Variants in DPF3 observed in about 807,000 individuals in gnomAD.
DPF3 encodes zinc finger protein DPF3.
DPF3 carries 18 observed loss-of-function variants against 56.8 expected under a neutral mutation model. The observed-to-expected ratio is 0.32, with a 90% CI of 0.22 to 0.47. DPF3 has a LOEUF of 0.47. Ranked by LOEUF, DPF3 falls within the 20% of genes least tolerant of loss-of-function variation. DPF3 has a pLI of 1.00. For synonymous variants in DPF3, 188 were observed against 180.2 expected (o/e 1.04, Z -0.35); for missense variants, 403 against 488.8 (o/e 0.82, Z 1.65).
chr14:72,838,905 A>ATATATATATATATATATATATATTTTTTT, intron 1 of DPF3, among the ~76,000 whole-genome samples: 9 of 64,498 alleles, frequency 1.4e-4, no homozygotes, highest in African/African-American at 3.3e-4. Context: ...TATCATATAT[A>ATATATATATATATATATATATATTTTTTT]TTCTTTTTTT....
chr14:72,652,105 T>A lies in DPF3; in HGVS notation c.871+22135A>T, dbSNP rs558563906. 1.1e-4 allele frequency among the ~76,000 whole-genome samples: 17 copies of A among 152,304 alleles called. No homozygotes were observed. In the East Asian group the frequency reaches 3.3e-3, roughly 29 times the overall value. On this transcript the variant is annotated intron_variant, in intron 8 of 10. Transcript: ENST00000556509. ...CCCCCTACATCACAGGATTGTCACA[T>A]AAGGGAAAATGAGGCTAGAGAACCT...
At chr14:72,787,274 T>C (rs545067030) in intron 1 of DPF3, among the ~76,000 whole-genome samples, 2 of 152,178 alleles carry the variant, frequency 1.3e-5, no homozygotes, top group African/African-American at 2.4e-5. Flanking sequence ...TCCCATGGAA[T>C]AGGGAAAAGC....
chr14:72,701,439 A>T (rs991030121), intron 6 of DPF3, among the ~76,000 whole-genome samples: 2 of 152,212 alleles, frequency 1.3e-5, no homozygotes, highest in African/African-American at 4.8e-5. Flanking sequence ...TGGATTCTGC[A>T]TGCAGGACCT....
chr14:72,723,812 G>T, intron 4 of DPF3, 84 bp from the exon 5 acceptor site: 1 of 1,334,078 alleles, frequency 7.5e-7, no homozygotes, highest in Non-Finnish European at 1.0e-6. Flanking sequence ...AGGGTGTTCT[G>T]ATTTGTTGTT....
chr14:72,790,547 G>A (rs1892387483), intron 1 of DPF3, among the ~76,000 whole-genome samples: 1 of 152,104 alleles, frequency 6.6e-6, no homozygotes, highest in South Asian at 2.1e-4. Context: ...GAGTAGGTTA[G>A]GATTTCACTG....
chr14:72,785,392 G>C (rs1340618025), intron 1 of DPF3, among the ~76,000 whole-genome samples: 2 of 152,126 alleles, frequency 1.3e-5, no homozygotes, highest in African/African-American at 4.8e-5. Context: ...GAGGCACAGA[G>C]AGTCTTACGT....
chr14:72,851,694 G>A (rs544273534), intron 1 of DPF3, among the ~76,000 whole-genome samples: 2 of 152,300 alleles, frequency 1.3e-5, no homozygotes, highest in East Asian at 1.9e-4. Flanking sequence ...CTAACTTCCC[G>A]AGGGATGAGT....
chr14:72,669,227 G>A (rs950656989), intron 8 of DPF3, among the ~76,000 whole-genome samples: 3 of 152,120 alleles, frequency 2.0e-5, no homozygotes, highest in East Asian at 1.9e-4. Flanking sequence ...TTTAAGGAGC[G>A]GTCTAATTCA....
intron 8 of DPF3, among the ~76,000 whole-genome samples, chr14:72,673,016 G>A (rs989503190): frequency 2.6e-5 from 4 of 152,134 alleles, no homozygotes; most frequent in African/African-American, 9.7e-5. Context: ...TACCATGTTT[G>A]GAAAGTAAAT....
chr14:72,756,822 C>CAGAAAGACAGAAAGAA (rs1197343194), intron 2 of DPF3, among the ~76,000 whole-genome samples: 2 of 70,008 alleles, frequency 2.9e-5, no homozygotes, highest in Admixed American at 3.5e-4. Flanking sequence ...GAAAGAAAGA[C>CAGAAAGACAGAAAGAA]AGAAAGAAAG....
chr14:72,852,707 C>T (rs1334437574), intron 1 of DPF3, among the ~76,000 whole-genome samples: 1 of 152,184 alleles, frequency 6.6e-6, no homozygotes, highest in African/African-American at 2.4e-5. Context: ...AAAAACAGCC[C>T]ACTATTTTTT....
intron 8 of DPF3, among the ~76,000 whole-genome samples, chr14:72,632,238 A>G (rs74393255): frequency 6.0e-4 from 91 of 152,332 alleles, no homozygotes; most frequent in Non-Finnish European, 1.0e-3. Flanking sequence ...GTGGTTCTGT[A>G]TCTTGATTGT....
chr14:72,748,489 T>C (rs1599406273), intron 3 of DPF3, among the ~76,000 whole-genome samples: 2 of 152,268 alleles, frequency 1.3e-5, no homozygotes, highest in South Asian at 4.2e-4. Flanking sequence ...AAAAAATCCA[T>C]TTTCTGAGGA....
At chr14:72,755,940 T>C (rs1890770670) in intron 2 of DPF3, among the ~76,000 whole-genome samples, 2 of 152,164 alleles carry the variant, frequency 1.3e-5, no homozygotes, top group African/African-American at 4.8e-5. Context: ...CCCATGAGAC[T>C]TATGTTGTTT....
Position 72,883,938 on chromosome 14 carries a change from A to G in DPF3, c.32+10119T>C, listed in dbSNP as rs190276608. Among the ~76,000 whole-genome samples, 462 of 149,656 alleles carry G rather than the reference A, an allele frequency of 3.1e-3. 6 individuals are homozygous for G. Among genetic ancestry groups the G allele is most frequent in the African/African-American group, 0.011 (448 of 41,218 alleles). On this transcript the variant is annotated intron_variant, in intron 1 of 10. Coordinates refer to ENST00000556509, the MANE Select transcript of DPF3 (RefSeq NM_001280542.3). The stretch of plus-strand genomic sequence containing the variant: ...TGAGACTCTGTCTCAAAAAAAAAAA[A>G]AAAAGAAAAAGAAAAAGAATCCATT...
intron 1 of DPF3, chr14:72,806,864 T>G (rs1882807797): frequency 3.9e-5 from 6 of 152,246 alleles, no homozygotes. Flanking sequence ...GACTCCATAT[T>G]ACTCGGTGCT....
At chr14:72,628,653 A>C (rs1884979210) in intron 9 of DPF3, among the ~76,000 whole-genome samples, 1 of 151,988 alleles carries the variant, frequency 6.6e-6, no homozygotes, top group Non-Finnish European at 1.5e-5. Context: ...AGAGAGAGAG[A>C]GAGATGGAGA....
chr14:72,779,459 C>T (rs1272199203), intron 1 of DPF3, among the ~76,000 whole-genome samples: 6 of 152,074 alleles, frequency 3.9e-5, no homozygotes, highest in African/African-American at 9.7e-5. Context: ...AGATGGCTCC[C>T]AATGGTGCCC....
chr14:72,832,491 G>A (rs189128715), intron 1 of DPF3, among the ~76,000 whole-genome samples: 2 of 152,202 alleles, frequency 1.3e-5, no homozygotes, highest in East Asian at 1.9e-4. Flanking sequence ...ATCCAAATAC[G>A]ATTTCAGATA....
Sources: allele counts gnomAD v4.1 joint callset (sites outside exome capture counted in the v4.1 genomes callset), GRCh38; gene constraint gnomAD v4.1.1; transcripts MANE v1.5; gene names NCBI Gene and HGNC (gene_info 2026-07-23, HGNC 2026-07-21).